The following EMC8 variants were observed in gnomAD, a reference collection of about 807,000 sequenced individuals.
The protein encoded by EMC8 is COX4 neighbor.
EMC8 carries 11 observed loss-of-function variants against 24.3 expected under a neutral mutation model. The observed-to-expected ratio is 0.45, with a 90% confidence interval of 0.28 to 0.75. The LOEUF (loss-of-function observed/expected upper bound fraction) is 0.75, where lower values mean the gene tolerates loss of function less well. Ranked by LOEUF, EMC8 falls within the 30% of genes least tolerant of loss-of-function variation. The pLI, the probability that EMC8 is intolerant of heterozygous loss-of-function variation, is 0.12. For synonymous variants in EMC8, 145 were observed against 117.7 expected (o/e 1.23, Z -1.50); for missense variants, 277 against 282.7 (o/e 0.98, Z 0.14).
rs370843220 is a variant in EMC8, at chr16:85,788,932, G to A, written c.308+42C>T. 7.7e-6 allele frequency: 11 copies of A among 1,426,478 alleles called. No homozygotes were observed. In the African/African-American group the frequency reaches 9.8e-5, roughly 13 times the overall value. The allele number at this position is 1,426,478 out of a possible 1,614,324, so 88.4% of individuals were successfully genotyped here. On this transcript the variant is annotated intron_variant, in intron 2 of 4. Transcript: ENST00000253457. ...ACGAGAGACGGGGTCTGCCCAACAC[G>A]TGCTCACTTCCTCGCCCACAGAGGG... is the stretch of plus-strand genomic sequence containing the variant.
chr16:85,798,128 T>G (rs1035641665), intron 1 of EMC8, among the ~76,000 whole-genome samples: 3 of 143,366 alleles, frequency 2.1e-5, no homozygotes, highest in African/African-American at 7.9e-5. Flanking sequence ...TTTTTTTTTT[T>G]TTTTTTTTTT....
At position 85,789,063 on chromosome 16, in the gene EMC8, C is replaced by CA. The variant is rs774116960; in HGVS notation, c.232-14dup. The CA allele has an allele frequency of 1.5e-4, 246 of 1,593,752 alleles. 2 individuals carry two copies. In the Admixed American group the frequency reaches 4.1e-3, roughly 27 times the overall value. On this transcript the variant is annotated splice_polypyrimidine_tract_variant and intron_variant, in intron 1 of 4. Transcript: ENST00000253457. ...ACCATGAATCAATCTGAAAGAGGAA[C>CA]AAAAATTGGGAAAAGATGAATGACT...
intron 1 of EMC8, chr16:85,792,467 T>A (rs1481621002): frequency 6.6e-6 from 1 of 152,140 alleles, no homozygotes; most frequent in East Asian, 1.9e-4. Context: ...GTTCACCAAC[T>A]GAGGAATGGA....
chr16:85,781,773 G>A (rs1400668974), intron 2 of EMC8: 5 of 159,188 alleles, frequency 3.1e-5, no homozygotes, highest in African/African-American at 1.2e-4. Context: ...TTGCTGGGGA[G>A]AGTGTGAGTG....
intron 1 of EMC8, among the ~76,000 whole-genome samples, chr16:85,798,130 T>G (rs1269929598): frequency 1.4e-5 from 2 of 144,176 alleles, no homozygotes; most frequent in Admixed American, 1.4e-4. Context: ...TTTTTTTTTT[T>G]TTTTTTTTTG....
intron 1 of EMC8, 200 bp downstream of exon 1, chr16:85,798,865 A>G: frequency 1.9e-6 from 1 of 527,050 alleles, no homozygotes; most frequent in East Asian, 3.1e-5. Context: ...CGACGGTTAA[A>G]GTCGCTGCTA....
intron 4 of EMC8, 175 bp from the exon 5 acceptor site, chr16:85,780,042 G>C: frequency 3.2e-6 from 2 of 618,048 alleles, no homozygotes; most frequent in Non-Finnish European, 5.7e-6. Context: ...AGAAGACATG[G>C]TTAATACATG....
rs1905487057 is a variant in EMC8, at chr16:85,799,498, C to A, written c.-203G>T. On this transcript the variant is annotated 5_prime_UTR_variant, in exon 1 of 5. Coordinates refer to ENST00000253457, the MANE Select transcript of EMC8 (RefSeq NM_006067.5). This position sits in a 1 kb window ranked among gnomAD's most constrained non-coding sequence, Gnocchi z 4.2. ...AGCGACTCGCGCCTCTGGGAAGCCG[C>A]AGCCCCAGACTCCAGTCGCGCTTCT... is the stretch of plus-strand genomic sequence containing the variant. 2.5e-6 allele frequency: 1 copy of A among 395,046 alleles called. No individual in the cohort carries two copies. The highest frequency in any genetic ancestry group is 2.1e-5 in the African/African-American group (1 of 47,756). The allele number at this position is 395,046 out of a possible 1,614,324, so 24.5% of individuals were successfully genotyped here.
At chr16:85,791,691 C>G (rs1267245052) in intron 1 of EMC8, among the ~76,000 whole-genome samples, 1 of 152,212 alleles carries the variant, frequency 6.6e-6, no homozygotes, top group African/African-American at 2.4e-5. Flanking sequence ...GAGGAGAATC[C>G]TTTTCCTTGC....
At chr16:85,787,565 G>A (rs879430061) in intron 2 of EMC8, 5 of 152,348 alleles carry the variant, frequency 3.3e-5, no homozygotes, top group Non-Finnish European at 5.9e-5. Context: ...ACTGAGAGGG[G>A]AGGCACTGAT....
chr16:85,798,113 C>CTT (rs1905332989), intron 1 of EMC8, among the ~76,000 whole-genome samples: 1 of 106,322 alleles, frequency 9.4e-6, no homozygotes, highest in Non-Finnish European at 1.9e-5. Flanking sequence ...CACAGAAATT[C>CTT]GTTTTTTTTT....
intron 1 of EMC8, among the ~76,000 whole-genome samples, chr16:85,794,688 C>A (rs369630096): frequency 2.0e-5 from 3 of 152,126 alleles, no homozygotes; most frequent in South Asian, 2.1e-4. Context: ...GACTCCATCT[C>A]GGAAAAGTCA....
At chr16:85,794,915 C>A (rs541068602) in intron 1 of EMC8, among the ~76,000 whole-genome samples, 79 of 152,306 alleles carry the variant, frequency 5.2e-4, no homozygotes, top group African/African-American at 1.7e-3. Context: ...TGCCCTCTCA[C>A]GCTCAGGTAG....
At chr16:85,780,311 G>T (rs1004277141) in intron 4 of EMC8, 68 bp downstream of exon 4, 23 of 1,117,432 alleles carry the variant, frequency 2.1e-5, no homozygotes, top group Non-Finnish European at 3.1e-5. Flanking sequence ...CAGGCGGGGT[G>T]AGAGTGGCTC....
chr16:85,791,879 G>C (rs1013209978), intron 1 of EMC8, among the ~76,000 whole-genome samples: 1 of 152,126 alleles, frequency 6.6e-6, no homozygotes, highest in Non-Finnish European at 1.5e-5. Context: ...CCACCCTCAA[G>C]CCCTTAACTT....
chr16:85,798,596 G>C (rs895722141), intron 1 of EMC8: 2 of 160,190 alleles, frequency 1.2e-5, no homozygotes. Flanking sequence ...AAGTGTCTGA[G>C]CTCCGGGGTG....
At position 85,799,491 on chromosome 16, in the gene EMC8, G is replaced by A. The variant is rs1487469625; in HGVS notation, c.-196C>T. 2 of 400,214 alleles carry A rather than the reference G, an allele frequency of 5.0e-6. No homozygotes were observed. The highest frequency in any genetic ancestry group is 8.8e-6 in the Non-Finnish European group (2 of 228,388). 24.8% of individuals were successfully genotyped at this position (400,214 alleles called of 1,614,324 possible). ...CTGGAAAAGCGACTCGCGCCTCTGGGAAGCCGCAGCCCCAGACTCCAGTCG... is the reference window on the plus strand; with the variant it reads ...CTGGAAAAGCGACTCGCGCCTCTGGAAAGCCGCAGCCCCAGACTCCAGTCG... On this transcript the variant is annotated 5_prime_UTR_variant, in exon 1 of 5. Transcript: ENST00000253457. This position sits in a 1 kb window ranked among gnomAD's most constrained non-coding sequence, Gnocchi z 4.2.
At chr16:85,788,629 C>T (rs1405584717) in intron 2 of EMC8, among the ~76,000 whole-genome samples, 1 of 152,244 alleles carries the variant, frequency 6.6e-6, no homozygotes, top group Non-Finnish European at 1.5e-5. Flanking sequence ...AGCAACATTC[C>T]TTCCCAGTGC....
chr16:85,780,895 T>C (rs953872789), intron 3 of EMC8: 3 of 470,516 alleles, frequency 6.4e-6, no homozygotes, highest in Middle Eastern at 1.2e-3. Flanking sequence ...TAACATGGAC[T>C]GCTGGGCTAA....
Sources: gnomAD v4.1 joint callset for allele counts (sites outside exome capture counted in the v4.1 genomes callset) on GRCh38, gnomAD v4.1.1 for gene constraint, Gnocchi (gnomAD v3.1) non-coding constraint, MANE v1.5 for transcripts, NCBI Gene and HGNC (gene_info 2026-07-23, HGNC 2026-07-21) for gene names.